PARL: variants seen among roughly 807,000 people sequenced by gnomAD.
PARL encodes presenilin associated rhomboid like.
Under a neutral mutation model 51.6 loss-of-function variants are expected in PARL, and 44 were observed. The ratio of observed to expected loss-of-function variants is 0.85; its 90% CI spans 0.67 to 1.10. The LOEUF (loss-of-function observed/expected upper bound fraction) is 1.10, where lower values mean the gene tolerates loss of function less well. Among genes scored for constraint, PARL ranks in the 50% least tolerant of loss-of-function variants. The probability of loss-of-function intolerance (pLI) is 0.00; values close to 1 mark genes in which losing one functional copy is unlikely to be tolerated. For synonymous variants in PARL, 172 were observed against 164.0 expected, an observed-to-expected ratio of 1.05 and a Z score of -0.37; for missense variants, 441 against 469.5, an observed-to-expected ratio of 0.94 and a Z score of 0.56.
intron 1 of PARL, among the ~76,000 whole-genome samples, chr3:183,875,415 C>A (rs1343026996): frequency 3.1e-3 from 184 of 60,048 alleles, no homozygotes; most frequent in Middle Eastern, 0.013. Context: ...ACTCTGTCTC[C>A]AAAAAAAAAA....
At chr3:183,842,611 C>G (rs575550638) in intron 5 of PARL, among the ~76,000 whole-genome samples, 164 bp from the exon 6 acceptor site, 2 of 151,916 alleles carry the variant, frequency 1.3e-5, no homozygotes, top group East Asian at 3.9e-4. Flanking sequence ...AGTTCAAGAC[C>G]AGCCTGGCCA....
intron 9 of PARL, among the ~76,000 whole-genome samples, chr3:183,831,442 G>A (rs916708962): frequency 8.5e-5 from 13 of 152,212 alleles, no homozygotes; most frequent in African/African-American, 2.4e-4. Context: ...TTTCTGTAGC[G>A]GCAGCGCAAG....
intron 6 of PARL, 51 bp from the exon 7 acceptor site, chr3:183,840,691 T>TA: frequency 3.2e-6 from 3 of 938,292 alleles, no homozygotes; most frequent in Non-Finnish European, 5.0e-6. Flanking sequence ...AAAAATGGTT[T>TA]ACTTTTTTTT....
intron 1 of PARL, among the ~76,000 whole-genome samples, chr3:183,878,124 GGA>G (rs1249028077): frequency 6.6e-6 from 1 of 152,172 alleles, no homozygotes; most frequent in Admixed American, 6.5e-5. Flanking sequence ...AATCAGAGCT[GGA>G]GAGTCTCAGA....
chr3:183,832,716 T>C (rs977096668), intron 9 of PARL, among the ~76,000 whole-genome samples: 1 of 152,170 alleles, frequency 6.6e-6, no homozygotes, highest in African/African-American at 2.4e-5. Flanking sequence ...ATACAGTTAC[T>C]ACTAAGCACT....
At chr3:183,840,765 G>A (rs1040170977) in intron 6 of PARL, 125 bp from the exon 7 acceptor site, 6 of 606,294 alleles carry the variant, frequency 9.9e-6, no homozygotes, top group South Asian at 2.2e-5. Flanking sequence ...CTGAAGTGCA[G>A]TGGTACAATT....
chr3:183,864,152 T>C (rs1732166496), intron 3 of PARL, among the ~76,000 whole-genome samples: 1 of 152,232 alleles, frequency 6.6e-6, no homozygotes, highest in Non-Finnish European at 1.5e-5. Context: ...TATTATCCAC[T>C]GTTCTGGCAT....
chr3:183,874,234 A>C lies in PARL; in HGVS notation c.126-6174T>G, dbSNP rs186155735. On this transcript the variant is annotated intron_variant, in intron 1 of 9. Transcript: ENST00000317096. ...GACAATGAACTTAATAATGTTGTGT[A>C]GGTTCTGACTGCTCTACCAACCAGC... 1.6e-4 allele frequency among the ~76,000 whole-genome samples: 24 copies of C among 152,232 alleles called. No individual in the cohort carries two copies. In the East Asian group the frequency reaches 4.3e-3, roughly 27 times the overall value.
intron 1 of PARL, among the ~76,000 whole-genome samples, chr3:183,873,271 T>G (rs1257905207): frequency 6.6e-6 from 1 of 152,144 alleles, no homozygotes. Flanking sequence ...TTTGGGAGGC[T>G]GGGGTGGGAG....
At chr3:183,880,973 C>A (rs750540198) in intron 1 of PARL, among the ~76,000 whole-genome samples, 2 of 151,880 alleles carry the variant, frequency 1.3e-5, no homozygotes, top group African/African-American at 4.8e-5. Context: ...CACCACCATA[C>A]CCACTAATTT....
chr3:183,831,758 TA>T (rs929709778), intron 9 of PARL, among the ~76,000 whole-genome samples: 7 of 151,894 alleles, frequency 4.6e-5, no homozygotes, highest in African/African-American at 1.7e-4. Flanking sequence ...AAAAAATAAA[TA>T]AAAGATTTTA....
intron 4 of PARL, among the ~76,000 whole-genome samples, chr3:183,848,432 C>G (rs559007164): frequency 7.2e-5 from 11 of 152,176 alleles, no homozygotes; most frequent in African/African-American, 2.6e-4. Context: ...TAGTAGAGAC[C>G]GGGTTTCACC....
At chr3:183,841,379 G>A (rs145661663) in intron 6 of PARL, among the ~76,000 whole-genome samples, 42 of 152,240 alleles carry the variant, frequency 2.8e-4, no homozygotes, top group African/African-American at 1.0e-3. Context: ...ATAAGTATTC[G>A]ATGAACACTA....
chr3:183,859,132 C>T (rs922352921), intron 4 of PARL, among the ~76,000 whole-genome samples: 1 of 152,020 alleles, frequency 6.6e-6, no homozygotes, highest in East Asian at 2.0e-4. Flanking sequence ...GGTGAAACCC[C>T]GTCTCTACTA....
chr3:183,854,272 C>T (rs1730883949), intron 4 of PARL, among the ~76,000 whole-genome samples: 1 of 152,032 alleles, frequency 6.6e-6, no homozygotes, highest in Admixed American at 6.6e-5. Flanking sequence ...TGGTCGGTCT[C>T]AAAGAGATAT....
intron 1 of PARL, among the ~76,000 whole-genome samples, chr3:183,873,108 G>T (rs1733398939): frequency 6.6e-6 from 1 of 152,168 alleles, no homozygotes; most frequent in African/African-American, 2.4e-5. Context: ...CTGGAGATAG[G>T]TCTAGTAAGT....
At chr3:183,832,229 T>C (rs1577270225) in intron 9 of PARL, among the ~76,000 whole-genome samples, 1 of 152,162 alleles carries the variant, frequency 6.6e-6, no homozygotes, top group Non-Finnish European at 1.5e-5. Flanking sequence ...TTTCTTTTTT[T>C]TTTTTTTGAG....
chr3:183,837,850 A>G (rs1340471412), intron 7 of PARL, among the ~76,000 whole-genome samples: 1 of 152,118 alleles, frequency 6.6e-6, no homozygotes, highest in East Asian at 1.9e-4. Flanking sequence ...AGTGGCTCAC[A>G]CCAGTAATCC....
Position 183,867,439 on chromosome 3 carries a change from T to G in PARL, c.321+426A>C, listed in dbSNP as rs534224865. Among the ~76,000 whole-genome samples, 17 of 152,076 alleles carry G rather than the reference T, an allele frequency of 1.1e-4. No individual in the cohort carries two copies. In the East Asian group the frequency reaches 1.6e-3, roughly 14 times the overall value. ...CTCTAGGCCGGGCGCAGTGGCTCAC[T>G]CCTGTAATCCCAGAACTTTGGGAGG... is the stretch of plus-strand genomic sequence containing the variant. On this transcript the variant is annotated intron_variant, in intron 2 of 9. Coordinates refer to ENST00000317096, the MANE Select transcript of PARL (RefSeq NM_018622.7).
Sources: allele counts gnomAD v4.1 joint callset (sites outside exome capture counted in the v4.1 genomes callset), GRCh38; gene constraint gnomAD v4.1.1; transcripts MANE v1.5; gene names NCBI Gene and HGNC (gene_info 2026-07-23, HGNC 2026-07-21).